HSPE1: variants seen among roughly 807,000 people sequenced by gnomAD.
The protein encoded by HSPE1 is 10 kDa heat shock protein, mitochondrial.
In HSPE1, 1 loss-of-function variant was observed where a neutral mutation model predicts 13.2. The ratio of observed to expected loss-of-function variants is 0.08; its 90% CI spans 0.03 to 0.36. The LOEUF is 0.36. Among genes scored for constraint, HSPE1 ranks in the 10% least tolerant of loss-of-function variants. The pLI, the probability that HSPE1 is intolerant of heterozygous loss-of-function variation, is 0.99. For synonymous variants in HSPE1, 44 were observed against 42.0 expected, an observed-to-expected ratio of 1.05 and a Z score of -0.19; for missense variants, 73 against 118.7, an observed-to-expected ratio of 0.62 and a Z score of 1.79.
At chr2:197,500,931 A>T (rs2086245154) in intron 1 of HSPE1, 143 bp from the exon 2 acceptor site, 2 of 973,314 alleles carry the variant, frequency 2.1e-6, no homozygotes, top group Non-Finnish European at 3.0e-6. Context: ...TAGTACATTC[A>T]AATGCGCTTC....
Position 197,500,387 on chromosome 2 carries a change from CTT to C in HSPE1, c.-48_-47del, listed in dbSNP as rs1559305886. 1.9e-6 allele frequency: 3 copies of C among 1,588,488 alleles called. No individual in the cohort carries two copies. Among genetic ancestry groups the C allele is most frequent in the East Asian group, 2.3e-5 (1 of 43,676 alleles). On this transcript the variant is annotated 5_prime_UTR_variant, in exon 1 of 4. Coordinates refer to ENST00000233893, the MANE Select transcript of HSPE1 (RefSeq NM_002157.3). ...GTCGCCAGGGCCGGACTGCGAGTCTCTTTGCGGCGCTACACTAGAGCAGAGTA... is the reference window on the plus strand; with the variant it reads ...GTCGCCAGGGCCGGACTGCGAGTCTCTGCGGCGCTACACTAGAGCAGAGTA...
At chr2:197,502,369 A>G (rs1237195138) in intron 2 of HSPE1, among the ~76,000 whole-genome samples, 2 of 152,170 alleles carry the variant, frequency 1.3e-5, no homozygotes, top group African/African-American at 4.8e-5. Flanking sequence ...GATGTTCCTC[A>G]GTTAATTGTT....
chr2:197,502,233 A>G (rs1031929723), intron 2 of HSPE1, among the ~76,000 whole-genome samples: 9 of 152,102 alleles, frequency 5.9e-5, no homozygotes, highest in Non-Finnish European at 1.2e-4. Flanking sequence ...TTAAAACCTG[A>G]TATTTCTTTT....
intron 2 of HSPE1, among the ~76,000 whole-genome samples, chr2:197,502,136 C>A (rs1182896426): frequency 6.6e-6 from 1 of 152,166 alleles, no homozygotes; most frequent in Non-Finnish European, 1.5e-5. Flanking sequence ...GGTTGTATAC[C>A]TACCAGAGGA....
rs1178838990 is a variant in HSPE1 at position 197,503,120 on chromosome 2, G to T, written c.250G>T (p.Asp84Tyr). 6.2e-7 allele frequency: 1 copy of T among 1,601,746 alleles called. No homozygotes were observed. ...ATATGGAGGCACCAAAGTAGTTCTA[G>T]ATGACAAGGTGTGTAAACTTAATAA... is the stretch of plus-strand genomic sequence containing the variant. ...PEYGGTKVVLDDKDYFLFRDG... is the reference protein window; with the variant it reads ...PEYGGTKVVLYDKDYFLFRDG... Residue 84 changes from aspartate to tyrosine, a missense_variant, in exon 3 of 4, where the codon GAT becomes TAT. Asp to Tyr is a radical substitution (Grantham distance 160). Transcript: ENST00000233893.
chr2:197,503,309 A>T lies in HSPE1; in HGVS notation c.*50A>T, dbSNP rs1365002588. ...CAACATGATGCTGCCCATTCCACTG[A>T]AGTTCTGAAATCTTTCGTCATGTAA... On this transcript the variant is annotated 3_prime_UTR_variant, in exon 4 of 4. Transcript: ENST00000233893. 8.5e-6 allele frequency: 10 copies of T among 1,172,234 alleles called. No homozygotes were observed. The highest frequency in any genetic ancestry group is 1.1e-5 in the Non-Finnish European group (9 of 803,078). 72.6% of individuals were successfully genotyped at this position (1,172,234 alleles called of 1,614,324 possible). A position where few individuals can be genotyped will look rare whatever the true frequency, so the allele number is the denominator to read the frequency against.
Position 197,500,404 on chromosome 2 carries a change from A to G in HSPE1, c.-33A>G. ...GCGAGTCTCTTTGCGGCGCTACACT[A>G]GAGCAGAGTACGAGTCTGAGGCGGA... On this transcript the variant is annotated 5_prime_UTR_variant, in exon 1 of 4. Transcript: ENST00000233893. 4 of 1,598,304 alleles carry G rather than the reference A, an allele frequency of 2.5e-6. No homozygotes were observed. Among genetic ancestry groups the G allele is most frequent in the Non-Finnish European group, 3.4e-6 (4 of 1,173,098 alleles).
intron 2 of HSPE1, 41 bp from the exon 3 acceptor site, chr2:197,502,998 A>G: frequency 9.4e-7 from 1 of 1,069,482 alleles, no homozygotes; most frequent in South Asian, 1.3e-5. Context: ...ATGTTGGGTG[A>G]ACTAGATATC....
chr2:197,501,318 G>T, intron 2 of HSPE1, 80 bp downstream of exon 2: 12 of 1,440,286 alleles, frequency 8.3e-6, no homozygotes, highest in South Asian at 1.4e-5. Context: ...ATTAAAAGTC[G>T]CTTATTAAGT....
intron 2 of HSPE1, 185 bp downstream of exon 2, chr2:197,501,423 C>A: frequency 3.0e-6 from 2 of 660,168 alleles, no homozygotes; most frequent in Non-Finnish European, 5.0e-6. Flanking sequence ...TTTTATATGA[C>A]CAATGCTATG....
chr2:197,501,003 G>C (rs1212113176), intron 1 of HSPE1, 71 bp from the exon 2 acceptor site: 4 of 1,564,394 alleles, frequency 2.6e-6, no homozygotes, highest in Non-Finnish European at 3.5e-6. Context: ...GAGATGTATA[G>C]CACGGTGGCG....
At chr2:197,503,017 T>C (rs776387426) in intron 2 of HSPE1, 22 bp from the exon 3 acceptor site, 1 of 1,414,376 alleles carries the variant, frequency 7.1e-7, no homozygotes, top group Non-Finnish European at 9.9e-7. Context: ...TCTTTGCTAA[T>C]AAACATCCTT....
chr2:197,500,935 G>A (rs1559306378), intron 1 of HSPE1, 139 bp from the exon 2 acceptor site: 9 of 984,148 alleles, frequency 9.1e-6, no homozygotes, highest in Non-Finnish European at 7.5e-6. Context: ...ACATTCAAAT[G>A]CGCTTCCTTA....
intron 2 of HSPE1, 49 bp from the exon 3 acceptor site, chr2:197,502,990 G>T (rs769165271): frequency 7.1e-6 from 7 of 979,400 alleles, no homozygotes; most frequent in Middle Eastern, 2.1e-4. Flanking sequence ...AACTGTTTAT[G>T]TTGGGTGAAC....
intron 1 of HSPE1, 70 bp from the exon 2 acceptor site, chr2:197,501,004 C>A: frequency 6.4e-7 from 1 of 1,563,842 alleles, no homozygotes; most frequent in Non-Finnish European, 8.7e-7. Flanking sequence ...AGATGTATAG[C>A]ACGGTGGCGT....
At chr2:197,500,653 G>A in intron 1 of HSPE1, 6 of 698,040 alleles carry the variant, frequency 8.6e-6, no homozygotes, top group Non-Finnish European at 1.4e-5. Flanking sequence ...GTAAGGCAGG[G>A]GGGCGAGAAC....
At chr2:197,500,535 G>A in intron 1 of HSPE1, 96 bp downstream of exon 1, 4 of 808,960 alleles carry the variant, frequency 4.9e-6, no homozygotes, top group South Asian at 2.9e-5. Context: ...GGGCGGGAGG[G>A]ATTGGTGGCC....
chr2:197,500,525 G>T, intron 1 of HSPE1, 86 bp downstream of exon 1: 1 of 1,488,446 alleles, frequency 6.7e-7, no homozygotes, highest in South Asian at 1.2e-5. Context: ...TTGTTGGGCT[G>T]GGCGGGAGGG....
chr2:197,500,531 GA>G, intron 1 of HSPE1, 92 bp downstream of exon 1: 1 of 825,776 alleles, frequency 1.2e-6, no homozygotes, highest in Non-Finnish European at 2.0e-6. Context: ...GGCTGGGCGG[GA>G]GGGATTGGTG....
Sources: gnomAD v4.1 joint callset for allele counts (sites outside exome capture counted in the v4.1 genomes callset) on GRCh38, gnomAD v4.1.1 for gene constraint, MANE v1.5 for transcripts, NCBI Gene and HGNC (gene_info 2026-07-23, HGNC 2026-07-21) for gene names.